Variants in AAMP observed in about 807,000 individuals in gnomAD.
AAMP encodes the protein angio associated migratory cell protein, also known as angio-associated migratory cell protein.
A neutral mutation model predicts 51.1 loss-of-function variants in AAMP; 12 were observed. That is an observed-to-expected ratio of 0.23 (90% CI 0.15 to 0.38). AAMP has a LOEUF of 0.38. Among genes scored for constraint, AAMP ranks in the 10% least tolerant of loss-of-function variants. AAMP has a pLI of 1.00. For synonymous variants in AAMP, 210 were observed against 218.7 expected (o/e 0.96, Z 0.35); for missense variants, 418 against 557.2 (o/e 0.75, Z 2.52).
In AAMP at chr2:218,265,714, G is replaced by A. The variant is rs201264395; in HGVS notation, c.880-32C>T. On this transcript the variant is annotated intron_variant, in intron 7 of 10. Coordinates refer to ENST00000248450, the MANE Select transcript of AAMP (RefSeq NM_001087.5). This position sits in a 1 kb window ranked among gnomAD's most constrained non-coding sequence, Gnocchi z 6.6. ...GCCAGAGAGGATCAGAGGAGGACAC[G>A]GAATCCGGGTGCTTGATGGAGAGAA... The A allele has an allele frequency of 1.4e-4, 221 of 1,601,062 alleles. No homozygotes were observed. Among genetic ancestry groups the A allele is most frequent in the Non-Finnish European group, 1.8e-4 (207 of 1,170,828 alleles).
At position 218,266,660 on chromosome 2, in the gene AAMP, A is replaced by C; in HGVS notation, c.535-73T>G. ...CCTAGAAGCCTGCCCCATGAGCTCC[A>C]CCCAAGGTTTCCTGCCTCTGGGGTT... On this transcript the variant is annotated intron_variant, in intron 4 of 10. Coordinates refer to ENST00000248450, the MANE Select transcript of AAMP (RefSeq NM_001087.5). The surrounding 1 kb of genome is among the most constrained non-coding windows in gnomAD (Gnocchi z 4.7). 2.6e-6 allele frequency: 4 copies of C among 1,567,518 alleles called. No homozygotes were observed. In the South Asian group the frequency reaches 4.7e-5, roughly 18 times the overall value.
In AAMP at chr2:218,265,147, C is replaced by A. The variant is rs760428054; in HGVS notation, c.1102G>T (p.Ala368Ser). The change falls in exon 10 of 11, where the codon GCA (alanine) becomes TCA (serine). Residue 368 changes from alanine to serine, a missense_variant. Ala to Ser is a moderately conservative substitution (Grantham distance 99). Coordinates refer to ENST00000248450, the MANE Select transcript of AAMP (RefSeq NM_001087.5). The surrounding 1 kb of genome is among the most constrained non-coding windows in gnomAD (Gnocchi z 6.6). Reference protein sequence around the residue: ...QSGIVQLLWEAGTAVVYTCSL... With the variant: ...QSGIVQLLWESGTAVVYTCSL... ...CAGGTATATACCACGGCAGTGCCTG[C>A]CTCCCACAGCAGCTGCACGATGCCC... 4 of 1,596,510 alleles carry A rather than the reference C, an allele frequency of 2.5e-6. No homozygotes were observed. The Admixed American group carries it at 5.1e-5, about 20-fold the overall frequency.
Position 218,265,621 on chromosome 2 carries a change from T to C in AAMP, c.941A>G (p.Glu314Gly), listed in dbSNP as rs568354877. The C allele has an allele frequency of 8.7e-6, 14 of 1,613,680 alleles. No individual in the cohort carries two copies. The highest frequency in any genetic ancestry group is 1.1e-5 in the South Asian group (1 of 91,064). The stretch of plus-strand genomic sequence containing the variant: ...GGACTCCACCGAGTTGGACTCACTC[T>C]CCTCCCCTTCTCCCAGGCTGGGCTG... ...ASQPSLGEGEESESNSVESLG... is the reference protein window; with the variant it reads ...ASQPSLGEGEGSESNSVESLG... Residue 314 changes from glutamate to glycine, a missense_variant, in exon 8 of 11, where the codon GAG becomes GGG. Coordinates refer to ENST00000248450, the MANE Select transcript of AAMP (RefSeq NM_001087.5). The surrounding 1 kb of genome is among the most constrained non-coding windows in gnomAD (Gnocchi z 6.6).
rs1272980836 is a variant in AAMP, at chr2:218,266,067, T to C, written c.760A>G (p.Lys254Glu). The C allele has an allele frequency of 6.2e-7, 1 of 1,614,040 alleles. No homozygotes were observed. Among genetic ancestry groups the C allele is most frequent in the African/African-American group, 1.3e-5 (1 of 75,008 alleles). The part of the protein sequence containing the change: ...LKQGSPIHVL[K>E]GTEGHQGPLT... ...ACACTTCCCCCACCTCTGATACCTTTCAGTACATGGATAGGGCTTCCCTGC... is the reference window on the plus strand; with the variant it reads ...ACACTTCCCCCACCTCTGATACCTTCCAGTACATGGATAGGGCTTCCCTGC... The change falls in exon 6 of 11, where the codon AAA becomes GAA. Residue 254 changes from lysine (K) to glutamate (E), a missense_variant. Physicochemically the swap from Lys to Glu is moderately conservative, Grantham distance 56 (BLOSUM62 1). Transcript: ENST00000248450. This position sits in a 1 kb window ranked among gnomAD's most constrained non-coding sequence, Gnocchi z 4.7.
At position 218,267,481 on chromosome 2, in the gene AAMP, C is replaced by G; in HGVS notation, c.394+13G>C. 6.2e-7 allele frequency: 1 copy of G among 1,613,994 alleles called. No homozygotes were observed. Among genetic ancestry groups the G allele is most frequent in the Admixed American group, 1.7e-5 (1 of 60,028 alleles). On this transcript the variant is annotated intron_variant, in intron 3 of 10. Transcript: ENST00000248450. This position sits in a 1 kb window ranked among gnomAD's most constrained non-coding sequence, Gnocchi z 4.6. ...ATATGACCTCTCCCAGGCCTCTACCCCAGCCCCCTCACCTGCACACTCAAA... is the reference window on the plus strand; with the variant it reads ...ATATGACCTCTCCCAGGCCTCTACCGCAGCCCCCTCACCTGCACACTCAAA...
Position 218,266,292 on chromosome 2 carries a change from C to T in AAMP, c.680-145G>A, listed in dbSNP as rs1050961984. On this transcript the variant is annotated intron_variant, in intron 5 of 10. Transcript: ENST00000248450. This position sits in a 1 kb window ranked among gnomAD's most constrained non-coding sequence, Gnocchi z 4.7. ...AGGTGAGTTCAGAGCAGGAAGGAGG[C>T]GCTGTGAACTTTGGGGCCCAGGAGG... 1.5e-5 allele frequency: 20 copies of T among 1,319,032 alleles called. No individual in the cohort carries two copies. The highest frequency in any genetic ancestry group is 8.2e-5 in the Admixed American group (4 of 48,520). 81.7% of individuals were successfully genotyped at this position (1,319,032 alleles called of 1,614,324 possible).
At chr2:218,264,938 A>AC (rs1274920000) in intron 10 of AAMP, 82 bp downstream of exon 10, 7 of 1,587,354 alleles carry the variant, frequency 4.4e-6, no homozygotes, top group African/African-American at 2.7e-5. Context: ...CCCTTCCCAC[A>AC]CCCCAAGGAT....
In AAMP at chr2:218,265,732, G is replaced by T; in HGVS notation, c.880-50C>A. On this transcript the variant is annotated intron_variant, in intron 7 of 10. Coordinates refer to ENST00000248450, the MANE Select transcript of AAMP (RefSeq NM_001087.5). This position sits in a 1 kb window ranked among gnomAD's most constrained non-coding sequence, Gnocchi z 6.6. Reference sequence around the variant, plus strand: ...AGGACACGGAATCCGGGTGCTTGATGGAGAGAAAGACGGTGGGGAGAGGAG... The same window carrying T: ...AGGACACGGAATCCGGGTGCTTGATTGAGAGAAAGACGGTGGGGAGAGGAG... The T allele has an allele frequency of 6.3e-7, 1 of 1,589,092 alleles. No individual in the cohort carries two copies. Among genetic ancestry groups the T allele is most frequent in the Non-Finnish European group, 8.6e-7 (1 of 1,160,492 alleles).
intron 1 of AAMP, chr2:218,269,764 G>T: frequency 1.0e-6 from 1 of 1,001,392 alleles, no homozygotes; most frequent in Non-Finnish European, 1.5e-6. Flanking sequence ...GTGTGTGAGG[G>T]GAAGGGCCAG....
chr2:218,264,636 A>C, intron 10 of AAMP, 28 bp from the exon 11 acceptor site: 2 of 1,608,344 alleles, frequency 1.2e-6, no homozygotes, highest in Non-Finnish European at 1.7e-6. Flanking sequence ...GTGATTGCAG[A>C]GACTGGGGGA....
chr2:218,264,495 C>A lies in AAMP; in HGVS notation c.*38G>T. On this transcript the variant is annotated 3_prime_UTR_variant, in exon 11 of 11. Transcript: ENST00000248450. ...CAGACAGGGGCAGGGGTCCCTTCGT[C>A]CCCTCAACACCAGACACACAGGCAG... 12 of 1,596,936 alleles carry A rather than the reference C, an allele frequency of 7.5e-6. No individual in the cohort carries two copies. Among genetic ancestry groups the A allele is most frequent in the Non-Finnish European group, 1.0e-5 (12 of 1,164,472 alleles).
chr2:218,266,358 G>C lies in AAMP; in HGVS notation c.679+85C>G. The C allele has an allele frequency of 1.3e-6, 2 of 1,551,998 alleles. No individual in the cohort carries two copies. Among genetic ancestry groups the C allele is most frequent in the Non-Finnish European group, 1.8e-6 (2 of 1,141,034 alleles). On this transcript the variant is annotated intron_variant, in intron 5 of 10. Coordinates refer to ENST00000248450, the MANE Select transcript of AAMP (RefSeq NM_001087.5). This position sits in a 1 kb window ranked among gnomAD's most constrained non-coding sequence, Gnocchi z 4.7. ...GCAGGCCTCAGATTTTGCCGGCTGT[G>C]ACCCAGAAGGCTGCTCTGGGAGGTG...
Position 218,264,933 on chromosome 2 carries a change from C to T in AAMP, c.1229+87G>A. On this transcript the variant is annotated intron_variant, in intron 10 of 10. Coordinates refer to ENST00000248450, the MANE Select transcript of AAMP (RefSeq NM_001087.5). Reference sequence around the variant, plus strand: ...TGCATTCCTGCCTTAGGAATCCCTTCCCACACCCCAAGGATCCTGTGTCCC... The same window carrying T: ...TGCATTCCTGCCTTAGGAATCCCTTTCCACACCCCAAGGATCCTGTGTCCC... The T allele has an allele frequency of 1.9e-6, 3 of 1,582,180 alleles. No individual in the cohort carries two copies. In the Admixed American group the frequency reaches 5.0e-5, roughly 26 times the overall value.
chr2:218,269,934 T>C (rs375630622), intron 1 of AAMP, 32 bp downstream of exon 1: 18 of 1,613,688 alleles, frequency 1.1e-5, no homozygotes, highest in Non-Finnish European at 1.2e-5. Flanking sequence ...GAGCGTCTCC[T>C]GTCCCATGGC....
chr2:218,264,813 G>T (rs1690582949), intron 10 of AAMP, among the ~76,000 whole-genome samples: 1 of 152,196 alleles, frequency 6.6e-6, no homozygotes, highest in African/African-American at 2.4e-5. Context: ...GGGAAAATCA[G>T]TCTCAGCCTC....
chr2:218,266,364 G>A lies in AAMP; in HGVS notation c.679+79C>T, dbSNP rs1690627645. ...CTCAGATTTTGCCGGCTGTGACCCA[G>A]AAGGCTGCTCTGGGAGGTGTATATC... is the stretch of plus-strand genomic sequence containing the variant. On this transcript the variant is annotated intron_variant, in intron 5 of 10. Transcript: ENST00000248450. The surrounding 1 kb of genome is among the most constrained non-coding windows in gnomAD (Gnocchi z 4.7). 1.3e-6 allele frequency: 2 copies of A among 1,564,558 alleles called. No individual in the cohort carries two copies. The highest frequency in any genetic ancestry group is 8.7e-7 in the Non-Finnish European group (1 of 1,149,656).
chr2:218,270,040 A>G lies in AAMP; in HGVS notation c.47T>C (p.Leu16Pro), dbSNP rs1055461865. 3 of 1,614,068 alleles carry G rather than the reference A, an allele frequency of 1.9e-6. No homozygotes were observed. Among genetic ancestry groups the G allele is most frequent in the Non-Finnish European group, 1.7e-6 (2 of 1,179,976 alleles). The change falls in exon 1 of 11, where the codon CTG (leucine) becomes CCG (proline). Residue 16 changes from leucine (L) to proline (P), a missense_variant. By Grantham distance (98) the Leu-to-Pro change is moderately conservative (BLOSUM62 -3). Coordinates refer to ENST00000248450, the MANE Select transcript of AAMP (RefSeq NM_001087.5). ...ESGAAADTPPLETLSFHGDEE... is the reference protein window; with the variant it reads ...ESGAAADTPPPETLSFHGDEE... The stretch of plus-strand genomic sequence containing the variant: ...ATCACCATGGAAGCTTAGGGTCTCC[A>G]GTGGGGGGGTGTCAGCAGCAGCCCC...
At position 218,265,200 on chromosome 2, in the gene AAMP, G is replaced by A. The variant is rs867345695; in HGVS notation, c.1075-26C>T. ...CTGCCCCGAGGAATGACAGAGGCAG[G>A]GCGGAGGTTGGCAGGAGAGCTGAGA... On this transcript the variant is annotated intron_variant, in intron 9 of 10. Coordinates refer to ENST00000248450, the MANE Select transcript of AAMP (RefSeq NM_001087.5). This position sits in a 1 kb window ranked among gnomAD's most constrained non-coding sequence, Gnocchi z 6.6. The A allele has an allele frequency of 4.5e-6, 7 of 1,570,110 alleles. No homozygotes were observed. In the African/African-American group the frequency reaches 8.1e-5, roughly 18 times the overall value.
At position 218,270,114 on chromosome 2, in the gene AAMP, T is replaced by G. The variant is rs537541062; in HGVS notation, c.-28A>C. On this transcript the variant is annotated 5_prime_UTR_variant, in exon 1 of 11. Coordinates refer to ENST00000248450, the MANE Select transcript of AAMP (RefSeq NM_001087.5). ...GGCGCAAGCGGCGGATCCACTTCTC[T>G]GGGCCCAAACGCCTCCCAGAGTCAG... 6 of 1,612,226 alleles carry G rather than the reference T, an allele frequency of 3.7e-6. No individual in the cohort carries two copies. Among genetic ancestry groups the G allele is most frequent in the Non-Finnish European group, 5.1e-6 (6 of 1,179,110 alleles).
Sources: allele counts gnomAD v4.1 joint callset (sites outside exome capture counted in the v4.1 genomes callset), GRCh38; gene constraint gnomAD v4.1.1; non-coding constraint Gnocchi (gnomAD v3.1); transcripts MANE v1.5; gene names NCBI Gene and HGNC (gene_info 2026-07-23, HGNC 2026-07-21).